Variants in EYA3 observed in about 807,000 individuals in gnomAD.
The protein encoded by EYA3 is protein phosphatase EYA3.
EYA3 carries 39 observed loss-of-function variants against 80.0 expected under a neutral mutation model. The ratio of observed to expected loss-of-function variants is 0.49; its 90% confidence interval spans 0.38 to 0.64. The LOEUF (loss-of-function observed/expected upper bound fraction) is 0.64, where lower values mean the gene tolerates loss of function less well. Ranked by LOEUF, EYA3 falls within the 30% of genes least tolerant of loss-of-function variation. EYA3 has a pLI of 0.00. For synonymous variants in EYA3, 206 were observed against 232.8 expected, an observed-to-expected ratio of 0.88 and a Z score of 1.05; for missense variants, 523 against 676.1, an observed-to-expected ratio of 0.77 and a Z score of 2.51.
intron 7 of EYA3, among the ~76,000 whole-genome samples, chr1:28,020,715 T>TGTGTGTGTGTGTGA (rs1491052671): frequency 7.2e-6 from 1 of 138,992 alleles, no homozygotes; most frequent in African/African-American, 2.6e-5. Context: ...TGTGTGTGTG[T>TGTGTGTGTGTGTGA]GAATAAAAAT....
intron 1 of EYA3, among the ~76,000 whole-genome samples, chr1:28,075,226 T>G (rs1465724944): frequency 2.0e-5 from 3 of 152,204 alleles, no homozygotes; most frequent in Non-Finnish European, 4.4e-5. Flanking sequence ...GCCTTCTAGA[T>G]TCCCAGAAAT....
Position 28,009,108 on chromosome 1 carries a change from A to T in EYA3, c.909+1839T>A, listed in dbSNP as rs1426497271. 6.6e-6 allele frequency among the ~76,000 whole-genome samples: 1 copy of T among 152,232 alleles called. No individual in the cohort carries two copies. The highest frequency in any genetic ancestry group is 2.4e-5 in the African/African-American group (1 of 41,464). ...TGGTTTCTCAAAAAGTGGAGCACAG[A>T]ATTACAATAGCATCCAGCAATTCCA... is the stretch of plus-strand genomic sequence containing the variant. On this transcript the variant is annotated intron_variant, in intron 10 of 17. Coordinates refer to ENST00000373871, the MANE Select transcript of EYA3 (RefSeq NM_001990.4). This position sits in a 1 kb window ranked among gnomAD's most constrained non-coding sequence, Gnocchi z 4.8.
chr1:28,034,333 T>C (rs1323574010), intron 6 of EYA3, among the ~76,000 whole-genome samples: 1 of 152,118 alleles, frequency 6.6e-6, no homozygotes, highest in Admixed American at 6.5e-5. Flanking sequence ...TAGCCTATTA[T>C]TAGTCAACTG....
intron 6 of EYA3, among the ~76,000 whole-genome samples, chr1:28,032,894 T>G (rs1643227747): frequency 6.6e-6 from 1 of 152,212 alleles, no homozygotes. Flanking sequence ...GAAACAATCC[T>G]GGGTTCAATT....
intron 6 of EYA3, among the ~76,000 whole-genome samples, chr1:28,030,255 A>G (rs921816996): frequency 6.6e-6 from 1 of 152,236 alleles, no homozygotes; most frequent in Non-Finnish European, 1.5e-5. Context: ...AAAGAGAAAT[A>G]TGAAAGTCTT....
Position 27,989,754 on chromosome 1 carries a change from A to C in EYA3, c.1361T>G (p.Val454Gly), listed in dbSNP as rs780140029. The C allele has an allele frequency of 6.2e-7, 1 of 1,612,032 alleles. No individual in the cohort carries two copies. ...ALQRLRAEIE[V>G]LTDSWLGTAL... ...AGTTCCTAACCAGGAATCTGTTAAA[A>C]CTTCAATTTCTGCTCTTAATCTCTG... Residue 454 changes from valine (V) to glycine (G), a missense_variant, in exon 15 of 18, where the codon GTT becomes GGT. By Grantham distance (109) the Val-to-Gly change is moderately radical. Transcript: ENST00000373871.
At chr1:28,052,729 G>T (rs1644296848) in intron 2 of EYA3, among the ~76,000 whole-genome samples, 1 of 151,786 alleles carries the variant, frequency 6.6e-6, no homozygotes, top group Admixed American at 6.6e-5. Context: ...GGATCACGAG[G>T]TCAGGAGTTC....
chr1:28,027,607 C>T (rs950336657), intron 7 of EYA3, among the ~76,000 whole-genome samples, 182 bp downstream of exon 7: 1 of 152,202 alleles, frequency 6.6e-6, no homozygotes, highest in Non-Finnish European at 1.5e-5. Context: ...TTATAAACCA[C>T]ACTCCTAAGC....
chr1:28,022,369 C>T (rs1642498310), intron 7 of EYA3, among the ~76,000 whole-genome samples: 3 of 151,768 alleles, frequency 2.0e-5, no homozygotes, highest in South Asian at 2.1e-4. Flanking sequence ...AGGATGGTCT[C>T]GATCTCCTGA....
chr1:27,976,439 G>A (rs1349773500), intron 17 of EYA3, among the ~76,000 whole-genome samples: 1 of 151,900 alleles, frequency 6.6e-6, no homozygotes, highest in Non-Finnish European at 1.5e-5. Flanking sequence ...CAGCCTGGGC[G>A]ATGGAGTGAG....
At chr1:28,029,593 CTTTT>C (rs1226877063) in intron 6 of EYA3, among the ~76,000 whole-genome samples, 1 of 136,020 alleles carries the variant, frequency 7.4e-6, no homozygotes, top group Non-Finnish European at 1.6e-5. Context: ...AAAGAAAATC[CTTTT>C]TTTTTTTTTT....
intron 7 of EYA3, among the ~76,000 whole-genome samples, chr1:28,023,888 T>A (rs1642609255): frequency 6.6e-6 from 1 of 152,144 alleles, no homozygotes; most frequent in South Asian, 2.1e-4. Flanking sequence ...GAGGGATATA[T>A]GGGAACTCTC....
rs554057868 is a variant in EYA3 at position 28,071,332 on chromosome 1, C to T, written c.-68-13238G>A. Reference sequence around the variant, plus strand: ...CAATTTATCTTAAATAACAATCTTACGTAAACTATGCCTCAAGACTGAGCT... The same window carrying T: ...CAATTTATCTTAAATAACAATCTTATGTAAACTATGCCTCAAGACTGAGCT... On this transcript the variant is annotated intron_variant, in intron 1 of 17. Transcript: ENST00000373871. Among the ~76,000 whole-genome samples the T allele has an allele frequency of 4.5e-4, 69 of 152,306 alleles. 1 individual carries two copies. The highest frequency in any genetic ancestry group is 4.5e-3 in the Admixed American group (69 of 15,296).
At chr1:27,986,848 G>A (rs1459458757) in intron 16 of EYA3, among the ~76,000 whole-genome samples, 1 of 152,088 alleles carries the variant, frequency 6.6e-6, no homozygotes, top group East Asian at 1.9e-4. Flanking sequence ...GACTGCAGGC[G>A]AGTGCCACCA....
intron 12 of EYA3, among the ~76,000 whole-genome samples, chr1:27,999,628 T>G (rs1640690098): frequency 6.6e-6 from 1 of 152,116 alleles, no homozygotes; most frequent in Non-Finnish European, 1.5e-5. Context: ...TTATATATAT[T>G]ATTTAATATA....
intron 2 of EYA3, among the ~76,000 whole-genome samples, chr1:28,048,901 G>T (rs879338496): frequency 6.6e-6 from 1 of 152,118 alleles, no homozygotes; most frequent in African/African-American, 2.4e-5. Context: ...TGTTAACCCT[G>T]TATTTTTTCT....
intron 17 of EYA3, among the ~76,000 whole-genome samples, chr1:27,974,960 C>T (rs1638864158): frequency 6.6e-6 from 1 of 152,060 alleles, no homozygotes; most frequent in African/African-American, 2.4e-5. Context: ...CATACAGGGT[C>T]TTAAGGATCA....
At chr1:28,049,295 A>G (rs1644152565) in intron 2 of EYA3, among the ~76,000 whole-genome samples, 1 of 152,228 alleles carries the variant, frequency 6.6e-6, no homozygotes, top group African/African-American at 2.4e-5. Context: ...AGAATACACA[A>G]CCATGACCAG....
intron 3 of EYA3, among the ~76,000 whole-genome samples, chr1:28,042,972 G>A (rs1643867929): frequency 6.6e-6 from 1 of 152,086 alleles, no homozygotes; most frequent in African/African-American, 2.4e-5. Context: ...AGCCTCCTGA[G>A]TAGCTGGGAT....
Sources: gnomAD v4.1 joint callset for allele counts (sites outside exome capture counted in the v4.1 genomes callset) on GRCh38, gnomAD v4.1.1 for gene constraint, Gnocchi (gnomAD v3.1) non-coding constraint, MANE v1.5 for transcripts, NCBI Gene and HGNC (gene_info 2026-07-23, HGNC 2026-07-21) for gene names.